The following AFF3 variants were observed in gnomAD, a reference collection of about 807,000 sequenced individuals.
AFF3 encodes ALF transcription elongation factor 3.
Under a neutral mutation model 129.7 loss-of-function variants are expected in AFF3, and 32 were observed. That is an observed-to-expected ratio of 0.25 (90% CI 0.19 to 0.33). AFF3 has a LOEUF of 0.33. Ranked by LOEUF, AFF3 falls within the 10% of genes least tolerant of loss-of-function variation. The probability of loss-of-function intolerance (pLI) is 1.00; values close to 1 mark genes in which losing one functional copy is unlikely to be tolerated. For synonymous variants in AFF3, 644 were observed against 635.4 expected, an observed-to-expected ratio of 1.01 and a Z score of -0.20; for missense variants, 1,373 against 1,592.0, an observed-to-expected ratio of 0.86 and a Z score of 2.34.
chr2:99,599,094 T>C (rs1185398811), intron 14 of AFF3, among the ~76,000 whole-genome samples: 3 of 152,234 alleles, frequency 2.0e-5, no homozygotes, highest in African/African-American at 7.2e-5. Flanking sequence ...CTGACTCCTT[T>C]AGGAGGCTCT....
intron 7 of AFF3, among the ~76,000 whole-genome samples, chr2:99,990,704 C>G (rs113711795): frequency 3.9e-5 from 6 of 152,016 alleles, no homozygotes; most frequent in African/African-American, 1.4e-4. Flanking sequence ...GGAAAGCCAG[C>G]ATGAAAGTGA....
intron 7 of AFF3, among the ~76,000 whole-genome samples, chr2:99,839,958 G>A (rs1689196863): frequency 6.6e-6 from 1 of 151,108 alleles, no homozygotes; most frequent in Non-Finnish European, 1.5e-5. Flanking sequence ...CTGAACATTT[G>A]TTTATCTTCT....
intron 4 of AFF3, among the ~76,000 whole-genome samples, chr2:100,090,212 T>C (rs1290679159): frequency 2.8e-5 from 3 of 107,532 alleles, no homozygotes; most frequent in African/African-American, 9.5e-5. Flanking sequence ...ATGATCTACA[T>C]GAAAAAAAAA....
At chr2:100,088,880 T>G (rs1689652368) in intron 4 of AFF3, among the ~76,000 whole-genome samples, 1 of 152,268 alleles carries the variant, frequency 6.6e-6, no homozygotes, top group African/African-American at 2.4e-5. Context: ...TTCACAATAT[T>G]GGTGGGGACT....
intron 1 of AFF3, among the ~76,000 whole-genome samples, chr2:100,140,610 C>T (rs13008652): frequency 1.2e-4 from 18 of 152,096 alleles, no homozygotes; most frequent in African/African-American, 1.7e-4. Context: ...TGTAAAATGC[C>T]GAGCACCACG....
intron 10 of AFF3, among the ~76,000 whole-genome samples, chr2:99,740,081 C>T (rs967735091): frequency 4.6e-5 from 7 of 150,928 alleles, no homozygotes; most frequent in East Asian, 2.0e-4. Flanking sequence ...TTTGTTCTTG[C>T]GATAGTTTAC....
intron 7 of AFF3, among the ~76,000 whole-genome samples, chr2:99,883,967 AT>A (rs1319643485): frequency 6.6e-6 from 1 of 152,214 alleles, no homozygotes; most frequent in Non-Finnish European, 1.5e-5. Flanking sequence ...GTCGCCAACC[AT>A]TAATCATGCA....
chr2:99,694,627 G>C (rs202156501), intron 11 of AFF3, among the ~76,000 whole-genome samples: 4 of 152,148 alleles, frequency 2.6e-5, no homozygotes, highest in Non-Finnish European at 5.9e-5. Context: ...TATGTGAGTC[G>C]CTATGTAGTT....
intron 11 of AFF3, among the ~76,000 whole-genome samples, chr2:99,721,551 G>C (rs1212712653): frequency 6.7e-6 from 1 of 149,920 alleles, no homozygotes; most frequent in Non-Finnish European, 1.5e-5. Flanking sequence ...AAAAAAAAAA[G>C]AATTCTGGCT....
intron 12 of AFF3, among the ~76,000 whole-genome samples, chr2:99,665,471 T>C (rs536446199): frequency 6.6e-6 from 1 of 152,354 alleles, no homozygotes; most frequent in African/African-American, 2.4e-5. Flanking sequence ...GCTGGGCATC[T>C]GGCAGTGCTA....
At chr2:100,036,497 A>C (rs1684922567) in intron 4 of AFF3, among the ~76,000 whole-genome samples, 1 of 152,222 alleles carries the variant, frequency 6.6e-6, no homozygotes, top group South Asian at 2.1e-4. Context: ...AAATTAAAGA[A>C]TAATTATTTT....
intron 4 of AFF3, chr2:100,011,429 G>C (rs1682538644): frequency 1.0e-5 from 8 of 779,518 alleles, no homozygotes; most frequent in Admixed American, 1.7e-5. Context: ...ATGTAAGATG[G>C]AGCAGGCAGG....
rs1679115019 is a variant in AFF3 at position 99,723,825 on chromosome 2, T to C, written c.1091+3252A>G. Among the ~76,000 whole-genome samples the C allele has an allele frequency of 3.3e-5, 5 of 152,286 alleles. No homozygotes were observed. In the South Asian group the frequency reaches 1.0e-3, roughly 32 times the overall value. On this transcript the variant is annotated intron_variant, in intron 11 of 24. Coordinates refer to ENST00000672756, the MANE Select transcript of AFF3 (RefSeq NM_001386135.1). ...AGGTAATCAAGTTAAAATGACGTCA[T>C]TAGGGTGGGCCCTAATCCAATATGA...
At chr2:99,561,484 C>T (rs73964163) in intron 20 of AFF3, among the ~76,000 whole-genome samples, 3,662 of 152,270 alleles carry the variant, frequency 0.024, 151 homozygotes, top group African/African-American at 0.083. Flanking sequence ...AATTTAGATA[C>T]CTTTACCTTC....
At chr2:99,815,198 T>C (rs1325606411) in intron 8 of AFF3, among the ~76,000 whole-genome samples, 1 of 152,196 alleles carries the variant, frequency 6.6e-6, no homozygotes, top group African/African-American at 2.4e-5. Context: ...TTTATGATCA[T>C]GAATTGTTCA....
At chr2:99,983,047 G>A (rs905278670) in intron 7 of AFF3, among the ~76,000 whole-genome samples, 2 of 152,182 alleles carry the variant, frequency 1.3e-5, no homozygotes, top group African/African-American at 4.8e-5. Flanking sequence ...GTTTAATAAA[G>A]ACAAAAGTCT....
chr2:100,093,843 T>G (rs1391114410), intron 4 of AFF3, among the ~76,000 whole-genome samples: 4 of 152,202 alleles, frequency 2.6e-5, no homozygotes, highest in Non-Finnish European at 4.4e-5. Flanking sequence ...CACATCACTG[T>G]AACCTGAGCC....
At chr2:99,553,746 T>C (rs1674626469) in intron 24 of AFF3, among the ~76,000 whole-genome samples, 1 of 151,358 alleles carries the variant, frequency 6.6e-6, no homozygotes, top group Non-Finnish European at 1.5e-5. Context: ...ACCCCGCCTC[T>C]ACTAAAAATA....
chr2:99,706,656 T>G (rs1677421606), intron 11 of AFF3, among the ~76,000 whole-genome samples: 1 of 152,234 alleles, frequency 6.6e-6, no homozygotes, highest in Non-Finnish European at 1.5e-5. Flanking sequence ...AGTTCATATT[T>G]CACTGATTAG....
Sources: gnomAD v4.1 joint callset for allele counts (sites outside exome capture counted in the v4.1 genomes callset) on GRCh38, gnomAD v4.1.1 for gene constraint, MANE v1.5 for transcripts, NCBI Gene and HGNC (gene_info 2026-07-23, HGNC 2026-07-21) for gene names.